SATB1: variants seen among roughly 807,000 people sequenced by gnomAD.
The protein encoded by SATB1 is SATB homeobox 1, also known as DNA-binding protein SATB1.
Under a neutral mutation model 86.9 loss-of-function variants are expected in SATB1, and 11 were observed. The observed-to-expected ratio is 0.13, with a 90% confidence interval of 0.08 to 0.21. The LOEUF is 0.21. Among genes scored for constraint, SATB1 ranks in the 10% least tolerant of loss-of-function variants. SATB1 has a pLI of 1.00. For missense variants in SATB1, 551 were observed against 937.6 expected (o/e 0.59, Z 5.39); for synonymous variants, 357 against 357.2 (o/e 1.00, Z 0.01).
chr3:18,410,780 T>C (rs1378242031), intron 5 of SATB1: 3 of 311,672 alleles, frequency 9.6e-6, no homozygotes, highest in African/African-American at 6.4e-5. Context: ...TTAAGAAACA[T>C]GTCATTCCAG....
chr3:18,407,065 G>A (rs1380310561), intron 5 of SATB1, among the ~76,000 whole-genome samples: 1 of 152,026 alleles, frequency 6.6e-6, no homozygotes, highest in Non-Finnish European at 1.5e-5. Context: ...GCTACGATGG[G>A]CACATAAGGA....
rs368718110 is a variant in SATB1, at chr3:18,378,335, A to G, written c.1420-10T>C. 3.1e-4 allele frequency: 499 copies of G among 1,609,816 alleles called. No individual in the cohort carries two copies. The highest frequency in any genetic ancestry group is 4.1e-4 in the Non-Finnish European group (478 of 1,178,578). On this transcript the variant is annotated splice_polypyrimidine_tract_variant and intron_variant, in intron 8 of 10. Coordinates refer to ENST00000338745, the MANE Select transcript of SATB1 (RefSeq NM_002971.6). ...TAGTAGCTGTTTTCACCTACAAAAC[A>G]TTTTGAACATGGCTGTCATTTTTCA... is the stretch of plus-strand genomic sequence containing the variant.
At chr3:18,390,821 T>C (rs1696621847) in intron 7 of SATB1, among the ~76,000 whole-genome samples, 1 of 152,152 alleles carries the variant, frequency 6.6e-6, no homozygotes, top group Non-Finnish European at 1.5e-5. Flanking sequence ...TGAATTTTAT[T>C]CTTTTAAAAA....
intron 5 of SATB1, among the ~76,000 whole-genome samples, chr3:18,413,056 C>T (rs1283885488): frequency 6.6e-6 from 1 of 151,900 alleles, no homozygotes; most frequent in East Asian, 1.9e-4. Flanking sequence ...GATATTGTAG[C>T]CTAGTTCCAT....
intron 9 of SATB1, among the ~76,000 whole-genome samples, chr3:18,377,359 T>C (rs1236473131): frequency 1.3e-5 from 2 of 152,176 alleles, no homozygotes; most frequent in East Asian, 3.9e-4. Context: ...GAAAAGAGTT[T>C]AGTGTTCTTC....
upstream of SATB1, among the ~76,000 whole-genome samples, chr3:18,426,539 T>C (rs1698709512): frequency 6.6e-6 from 1 of 152,226 alleles, no homozygotes; most frequent in African/African-American, 2.4e-5. This position sits in a 1 kb window ranked among gnomAD's most constrained non-coding sequence, Gnocchi z 4.2. Flanking sequence ...TCCTATTATT[T>C]AGACAATCTA....
At position 18,378,274 on chromosome 3, in the gene SATB1, T is replaced by C. The variant is rs1055514508; in HGVS notation, c.1471A>G (p.Thr491Ala). ...TAAATGGAAGCATTAATGTTCATGG[T>C]ATTGTTCTCTGGTTTCCCATTCCTT... ...TERNGKPENNTMNINASIYDE... is the reference protein window; with the variant it reads ...TERNGKPENNAMNINASIYDE... Residue 491 changes from threonine (T) to alanine (A), a missense_variant, in exon 9 of 11, where the codon ACC becomes GCC. Thr to Ala is a moderately conservative substitution (Grantham distance 58, BLOSUM62 0). Around this residue, in one of 8 missense-constraint regions of SATB1, gnomAD observed 110 missense variants for 212.2 expected, o/e 0.52. Coordinates refer to ENST00000338745, the MANE Select transcript of SATB1 (RefSeq NM_002971.6). 52 of 1,612,030 alleles carry C rather than the reference T, an allele frequency of 3.2e-5. No homozygotes were observed. The highest frequency in any genetic ancestry group is 4.2e-5 in the Non-Finnish European group (50 of 1,179,124).
At chr3:18,361,881 G>A (rs1462156788) in intron 9 of SATB1, among the ~76,000 whole-genome samples, 1 of 152,062 alleles carries the variant, frequency 6.6e-6, no homozygotes, top group Non-Finnish European at 1.5e-5. Context: ...ATAGATACAT[G>A]TGCATGTGTG....
At chr3:18,390,118 T>C (rs193052044) in intron 7 of SATB1, among the ~76,000 whole-genome samples, 34 of 152,256 alleles carry the variant, frequency 2.2e-4, no homozygotes, top group Non-Finnish European at 4.3e-4. Context: ...ATATTATCAG[T>C]ATTTCCAAAA....
At chr3:18,426,259 A>G (rs181950150), upstream of SATB1, among the ~76,000 whole-genome samples, 17 of 152,372 alleles carry the variant, frequency 1.1e-4, no homozygotes, top group Non-Finnish European at 2.2e-4. This position sits in a 1 kb window ranked among gnomAD's most constrained non-coding sequence, Gnocchi z 4.2. Context: ...TGTACTAGTC[A>G]GACGTTGGTT....
chr3:18,354,688 A>C (rs1294071980), intron 9 of SATB1, among the ~76,000 whole-genome samples: 2 of 152,172 alleles, frequency 1.3e-5, no homozygotes, highest in Non-Finnish European at 2.9e-5. Flanking sequence ...AGTAATGCAG[A>C]GATCAGTTAG....
intron 7 of SATB1, among the ~76,000 whole-genome samples, chr3:18,388,050 C>T (rs1559423812): frequency 2.0e-5 from 3 of 152,140 alleles, no homozygotes; most frequent in Admixed American, 6.5e-5. Context: ...AAAGTTGTCT[C>T]TCACTTAGTC....
chr3:18,421,902 G>A (rs1025283703), intron 1 of SATB1, among the ~76,000 whole-genome samples: 5 of 149,308 alleles, frequency 3.3e-5, no homozygotes, highest in Admixed American at 2.0e-4. Context: ...AAAATATCCA[G>A]TATTCAGAAA....
Position 18,349,925 on chromosome 3 carries a change from G to C in SATB1, c.1780-243C>G, listed in dbSNP as rs1694269664. ...GGGGCTACTGCACTTACTTATCAGA[G>C]ATCAGCAGAGGAAGTGAAAACTCAG... On this transcript the variant is annotated intron_variant, in intron 10 of 10. Transcript: ENST00000338745. The surrounding 1 kb of genome is among the most constrained non-coding windows in gnomAD (Gnocchi z 5.5). 1.8e-6 allele frequency: 1 copy of C among 568,934 alleles called. No individual in the cohort carries two copies. Among genetic ancestry groups the C allele is most frequent in the African/African-American group, 1.9e-5 (1 of 53,042 alleles). 35.2% of individuals were successfully genotyped at this position (568,934 alleles called of 1,614,324 possible). A position where few individuals can be genotyped will look rare whatever the true frequency, so the allele number is the denominator to read the frequency against.
intron 7 of SATB1, among the ~76,000 whole-genome samples, chr3:18,392,771 A>C (rs1696751598): frequency 6.6e-6 from 1 of 152,112 alleles, no homozygotes; most frequent in Admixed American, 6.6e-5. Context: ...TACCAGAAAC[A>C]GGAATATTTA....
chr3:18,426,552 A>T (rs895020751), upstream of SATB1, among the ~76,000 whole-genome samples: 5 of 152,202 alleles, frequency 3.3e-5, no homozygotes, highest in African/African-American at 1.2e-4. This position sits in a 1 kb window ranked among gnomAD's most constrained non-coding sequence, Gnocchi z 4.2. Flanking sequence ...ACAATCTATT[A>T]AATATAGTTC....
At chr3:18,423,114 T>A (rs1008347389) in intron 1 of SATB1, among the ~76,000 whole-genome samples, 1 of 152,132 alleles carries the variant, frequency 6.6e-6, no homozygotes, top group African/African-American at 2.4e-5. Flanking sequence ...AAGAGCAACC[T>A]CCAACAGGCC....
intron 1 of SATB1, among the ~76,000 whole-genome samples, chr3:18,422,616 G>A (rs568867737): frequency 3.4e-4 from 52 of 152,320 alleles, no homozygotes; most frequent in African/African-American, 1.2e-3. Context: ...GCCAAAATTA[G>A]AAAGAGATGA....
intron 9 of SATB1, among the ~76,000 whole-genome samples, chr3:18,358,000 C>T (rs1434504933): frequency 6.6e-6 from 1 of 151,896 alleles, no homozygotes. Flanking sequence ...CAAAGCAATA[C>T]TGAAAGCATT....
Sources: allele counts gnomAD v4.1 joint callset (sites outside exome capture counted in the v4.1 genomes callset), GRCh38; gene constraint gnomAD v4.1.1; regional missense constraint gnomAD v4.1.1; non-coding constraint Gnocchi (gnomAD v3.1); transcripts MANE v1.5; gene names NCBI Gene and HGNC (gene_info 2026-07-23, HGNC 2026-07-21).